The following LARP4 variants were observed in gnomAD, a reference collection of about 807,000 sequenced individuals.
LARP4 encodes La ribonucleoprotein 4.
A neutral mutation model predicts 92.9 loss-of-function variants in LARP4; 29 were observed. The observed-to-expected ratio is 0.31, with a 90% CI of 0.23 to 0.43. The LOEUF is 0.43. Among genes scored for constraint, LARP4 ranks in the 20% least tolerant of loss-of-function variants. LARP4 has a pLI of 1.00. For synonymous variants in LARP4, 279 were observed against 284.1 expected (o/e 0.98, Z 0.18); for missense variants, 732 against 860.0 (o/e 0.85, Z 1.86).
Position 50,475,911 on chromosome 12 carries a change from T to G in LARP4, c.*47T>G. On this transcript the variant is annotated 3_prime_UTR_variant, in exon 16 of 16. Coordinates refer to ENST00000398473, the MANE Select transcript of LARP4 (RefSeq NM_052879.5). ...AACTTCACTCTCTTCCCATTAAACTTGAACTGTGGCTATATTGAACTGTTT... is the reference window on the plus strand; with the variant it reads ...AACTTCACTCTCTTCCCATTAAACTGGAACTGTGGCTATATTGAACTGTTT... 6.5e-7 allele frequency: 1 copy of G among 1,527,432 alleles called. No individual in the cohort carries two copies. The highest frequency in any genetic ancestry group is 9.0e-7 in the Non-Finnish European group (1 of 1,113,170). 94.6% of individuals were successfully genotyped at this position (1,527,432 alleles called of 1,614,324 possible).
intron 12 of LARP4, among the ~76,000 whole-genome samples, chr12:50,464,497 T>G (rs1456359626): frequency 2.0e-5 from 3 of 152,172 alleles, no homozygotes; most frequent in Non-Finnish European, 4.4e-5. Flanking sequence ...GTTCAAGCAG[T>G]TCTCCTGCCT....
At chr12:50,470,200 G>A (rs1050923148) in intron 13 of LARP4, among the ~76,000 whole-genome samples, 4 of 140,786 alleles carry the variant, frequency 2.8e-5, no homozygotes, top group Admixed American at 7.6e-5. Flanking sequence ...CTCCAGCCTG[G>A]GTGACAGAGC....
chr12:50,404,349 A>G (rs1273339460), intron 1 of LARP4, among the ~76,000 whole-genome samples: 1 of 152,206 alleles, frequency 6.6e-6, no homozygotes, highest in African/African-American at 2.4e-5. Context: ...TATATTGCAG[A>G]CAAGGAATCA....
At chr12:50,466,863 T>C (rs1319557111) in intron 12 of LARP4, 96 bp from the exon 13 acceptor site, 4 of 1,204,918 alleles carry the variant, frequency 3.3e-6, no homozygotes, top group Non-Finnish European at 4.7e-6. Context: ...AGGTTTTGTT[T>C]GCTTCTTTTT....
At chr12:50,441,085 A>G (rs1951136973) in intron 7 of LARP4, among the ~76,000 whole-genome samples, 1 of 152,026 alleles carries the variant, frequency 6.6e-6, no homozygotes, top group South Asian at 2.1e-4. Flanking sequence ...GGGTTTCACC[A>G]TATTGGTCAG....
chr12:50,453,759 A>T, intron 9 of LARP4, 87 bp downstream of exon 9: 1 of 809,594 alleles, frequency 1.2e-6, no homozygotes, highest in Non-Finnish European at 1.9e-6. Flanking sequence ...GAGCTCATTT[A>T]TGTTGACATT....
rs1229452008 is a variant in LARP4, at chr12:50,477,700, A to G, written c.*1836A>G. On this transcript the variant is annotated 3_prime_UTR_variant, in exon 16 of 16. Coordinates refer to ENST00000398473, the MANE Select transcript of LARP4 (RefSeq NM_052879.5). The stretch of plus-strand genomic sequence containing the variant: ...TGATTTGATTGTTTTATGACATGGT[A>G]TACTACTATATTTACTCAGTTTGAA... 6.6e-6 allele frequency: 1 copy of G among 152,542 alleles called. No homozygotes were observed. Among genetic ancestry groups the G allele is most frequent in the African/African-American group, 2.4e-5 (1 of 41,448 alleles). The allele number at this position is 152,542 out of a possible 1,614,324, so 9.4% of individuals were successfully genotyped here. A position where few individuals can be genotyped will look rare whatever the true frequency, so the allele number is the denominator to read the frequency against.
intron 1 of LARP4, among the ~76,000 whole-genome samples, chr12:50,423,256 T>C (rs1247658575): frequency 1.3e-5 from 2 of 152,206 alleles, no homozygotes; most frequent in African/African-American, 4.8e-5. Flanking sequence ...TTCAGTTTTA[T>C]AGCATTCTAT....
In LARP4 at chr12:50,475,891, C is replaced by T. The variant is rs1312631421; in HGVS notation, c.*27C>T. On this transcript the variant is annotated 3_prime_UTR_variant, in exon 16 of 16. Coordinates refer to ENST00000398473, the MANE Select transcript of LARP4 (RefSeq NM_052879.5). ...AAACAACAAAACTATTCAAAAACTT[C>T]ACTCTCTTCCCATTAAACTTGAACT... The T allele has an allele frequency of 6.3e-7, 1 of 1,584,792 alleles. No homozygotes were observed. Among genetic ancestry groups the T allele is most frequent in the Non-Finnish European group, 8.6e-7 (1 of 1,158,218 alleles).
At chr12:50,432,814 C>T (rs1239150570) in intron 4 of LARP4, among the ~76,000 whole-genome samples, 4 of 147,156 alleles carry the variant, frequency 2.7e-5, no homozygotes, top group East Asian at 4.0e-4. Context: ...GAGCCGAGAT[C>T]GCACCATTGC....
chr12:50,474,627 G>A (rs539210877), intron 15 of LARP4, among the ~76,000 whole-genome samples: 1 of 152,284 alleles, frequency 6.6e-6, no homozygotes, highest in South Asian at 2.1e-4. Flanking sequence ...GATTACATGC[G>A]TGAGCCACCG....
intron 1 of LARP4, chr12:50,416,517 A>G (rs568970814): frequency 1.3e-5 from 2 of 152,416 alleles, no homozygotes; most frequent in African/African-American, 2.4e-5. Context: ...AAACAAAAAC[A>G]AAAACAAAAA....
intron 8 of LARP4, 80 bp from the exon 9 acceptor site, chr12:50,453,380 T>C (rs1405843845): frequency 6.1e-6 from 5 of 821,746 alleles, no homozygotes; most frequent in Non-Finnish European, 9.8e-6. Context: ...TCATGTAAAA[T>C]ATATGTTAAA....
In LARP4 at chr12:50,461,336, T is replaced by C. The variant is rs182200764; in HGVS notation, c.1323T>C (p.Tyr441=). Residue 441 remains tyrosine, a synonymous_variant, in exon 11 of 16, where the codon TAT becomes TAC. Transcript: ENST00000398473. ...STLQVEQNGD[Y]GRGRRTLFRG... Reference sequence around the variant, plus strand: ...TGCAGGTGGAACAGAATGGGGACTATGGTAGGGGCAGGTAAGAAAATAAAG... The same window carrying C: ...TGCAGGTGGAACAGAATGGGGACTACGGTAGGGGCAGGTAAGAAAATAAAG... 4.8e-5 allele frequency: 78 copies of C among 1,613,688 alleles called. 1 individual carries two copies. In the East Asian group the frequency reaches 1.5e-3, roughly 31 times the overall value.
chr12:50,416,729 A>G (rs936894099), intron 1 of LARP4, among the ~76,000 whole-genome samples: 4 of 152,136 alleles, frequency 2.6e-5, no homozygotes, highest in African/African-American at 9.7e-5. Context: ...GCACGCCTGT[A>G]ATCCCAGCAC....
intron 1 of LARP4, among the ~76,000 whole-genome samples, chr12:50,412,625 C>G (rs1161806360): frequency 3.3e-5 from 5 of 152,082 alleles, no homozygotes; most frequent in Admixed American, 3.3e-4. Flanking sequence ...TTTTATCTCT[C>G]TGAAGGTAGA....
intron 13 of LARP4, among the ~76,000 whole-genome samples, 176 bp downstream of exon 13, chr12:50,467,296 G>A (rs1160896509): frequency 6.6e-6 from 1 of 151,448 alleles, no homozygotes; most frequent in Non-Finnish European, 1.5e-5. Flanking sequence ...GCTGCACAAA[G>A]GCAATAAAAT....
At chr12:50,430,370 A>G in intron 3 of LARP4, 125 bp from the exon 4 acceptor site, 1 of 587,230 alleles carries the variant, frequency 1.7e-6, no homozygotes, top group South Asian at 2.3e-5. Flanking sequence ...TTTCTCTGAA[A>G]CAATAGCTTT....
chr12:50,440,043 A>G (rs749867958), intron 6 of LARP4, among the ~76,000 whole-genome samples: 1 of 152,236 alleles, frequency 6.6e-6, no homozygotes, highest in Non-Finnish European at 1.5e-5. Context: ...CAGGCAGGAA[A>G]AGGACAGGGG....
Sources: gnomAD v4.1 joint callset for allele counts (sites outside exome capture counted in the v4.1 genomes callset) on GRCh38, gnomAD v4.1.1 for gene constraint, MANE v1.5 for transcripts, NCBI Gene and HGNC (gene_info 2026-07-23, HGNC 2026-07-21) for gene names.